Variants in ADGRL3 observed in about 807,000 individuals in gnomAD.
ADGRL3 encodes calcium-independent alpha-latrotoxin receptor 3.
Under a neutral mutation model 153.5 loss-of-function variants are expected in ADGRL3, and 62 were observed. The observed-to-expected ratio is 0.40, with a 90% CI of 0.33 to 0.50. The LOEUF (loss-of-function observed/expected upper bound fraction) is 0.50, where lower values mean the gene tolerates loss of function less well. Among genes scored for constraint, ADGRL3 ranks in the 20% least tolerant of loss-of-function variants. The pLI is 0.47. For synonymous variants in ADGRL3, 710 were observed against 672.5 expected (o/e 1.06, Z -0.86); for missense variants, 1,641 against 1,859.4 (o/e 0.88, Z 2.16).
chr4:61,750,367 T>C (rs1423731903), intron 8 of ADGRL3, among the ~76,000 whole-genome samples: 1 of 152,136 alleles, frequency 6.6e-6, no homozygotes, highest in Non-Finnish European at 1.5e-5. Context: ...ACATACGTAG[T>C]CCAGAGCTAC....
At chr4:61,673,264 C>T (rs1410705834) in intron 5 of ADGRL3, among the ~76,000 whole-genome samples, 6 of 151,816 alleles carry the variant, frequency 4.0e-5, no homozygotes, top group African/African-American at 1.2e-4. Context: ...ATCTAATGTA[C>T]AGCTTGGTAA....
intron 6 of ADGRL3, among the ~76,000 whole-genome samples, chr4:61,695,220 C>A (rs139997497): frequency 2.0e-5 from 3 of 152,252 alleles, no homozygotes; most frequent in Middle Eastern, 3.4e-3. Flanking sequence ...TCAGAGAAAT[C>A]ACTGTTTTTG....
chr4:61,263,799 A>G (rs769130947), intron 1 of ADGRL3, among the ~76,000 whole-genome samples: 16 of 152,070 alleles, frequency 1.1e-4, no homozygotes, highest in Non-Finnish European at 1.9e-4. Context: ...CACCCATACC[A>G]TAAAGTAGAA....
At chr4:61,337,149 C>A (rs936129632) in intron 1 of ADGRL3, among the ~76,000 whole-genome samples, 3 of 152,084 alleles carry the variant, frequency 2.0e-5, no homozygotes, top group African/African-American at 7.2e-5. Context: ...CTTGTAAGCT[C>A]CTGCTTTGTC....
At chr4:61,227,535 T>A (rs1411232276) in intron 1 of ADGRL3, among the ~76,000 whole-genome samples, 1 of 152,156 alleles carries the variant, frequency 6.6e-6, no homozygotes, top group African/African-American at 2.4e-5. Flanking sequence ...GTATTTCTTA[T>A]CTCTGATCTC....
At chr4:61,621,474 T>C (rs1288908270) in intron 5 of ADGRL3, among the ~76,000 whole-genome samples, 1 of 152,210 alleles carries the variant, frequency 6.6e-6, no homozygotes, top group African/African-American at 2.4e-5. Flanking sequence ...ATATGGTAAA[T>C]TGGTAAAAAC....
At chr4:61,482,208 G>A (rs989251725) in intron 2 of ADGRL3, among the ~76,000 whole-genome samples, 3 of 152,138 alleles carry the variant, frequency 2.0e-5, no homozygotes, top group Non-Finnish European at 4.4e-5. Flanking sequence ...TGGCACATGT[G>A]TACTTACTGA....
intron 1 of ADGRL3, among the ~76,000 whole-genome samples, chr4:61,376,621 C>T (rs536898722): frequency 1.8e-4 from 28 of 152,176 alleles, no homozygotes; most frequent in Non-Finnish European, 2.9e-4. Flanking sequence ...TGTACTGAAT[C>T]GTTTTCTAGA....
At chr4:61,777,640 T>C (rs906839862) in intron 8 of ADGRL3, among the ~76,000 whole-genome samples, 1 of 152,204 alleles carries the variant, frequency 6.6e-6, no homozygotes, top group Non-Finnish European at 1.5e-5. Context: ...AGGACAGTTA[T>C]CCAGCTAACT....
chr4:61,612,489 G>A (rs1282881797), intron 5 of ADGRL3, among the ~76,000 whole-genome samples: 7 of 152,058 alleles, frequency 4.6e-5, no homozygotes, highest in Admixed American at 3.9e-4. Context: ...CCAAAAATAC[G>A]AGGAATCTCT....
chr4:61,437,622 G>A (rs1041532915), intron 2 of ADGRL3, among the ~76,000 whole-genome samples: 4 of 152,120 alleles, frequency 2.6e-5, no homozygotes, highest in African/African-American at 4.8e-5. Context: ...ACTGATCTCA[G>A]AGTCTTCTTT....
intron 2 of ADGRL3, among the ~76,000 whole-genome samples, chr4:61,493,493 A>C (rs1172412975): frequency 1.3e-5 from 2 of 152,218 alleles, no homozygotes; most frequent in Non-Finnish European, 2.9e-5. Context: ...ATTGTAAAAT[A>C]TGTATCATAT....
At chr4:61,250,548 A>T (rs13123859) in intron 1 of ADGRL3, among the ~76,000 whole-genome samples, 44,765 of 152,066 alleles carry the variant, frequency 0.29, 6,857 homozygotes, top group East Asian at 0.39. Flanking sequence ...TGCCTAAGAT[A>T]CTGACTTCTT....
At chr4:61,837,673 G>T (rs950766407) in intron 9 of ADGRL3, among the ~76,000 whole-genome samples, 6 of 152,078 alleles carry the variant, frequency 3.9e-5, no homozygotes, top group African/African-American at 1.4e-4. Context: ...TTTTAGGGAA[G>T]TTCTGGGAAG....
rs952303624 is a variant in ADGRL3 at position 61,554,893 on chromosome 4, T to C, written c.260-32334T>C. Among the ~76,000 whole-genome samples, 4 of 152,268 alleles carry C rather than the reference T, an allele frequency of 2.6e-5. 1 individual carries two copies. The highest frequency in any genetic ancestry group is 2.9e-5 in the Non-Finnish European group (2 of 68,016). ...AGACCCAGGGGCTTAAATACCTTTT[T>C]AACAAAGAGTAATAAAGTATGGAGA... On this transcript the variant is annotated intron_variant, in intron 4 of 26. Coordinates refer to ENST00000683033, the MANE Select transcript of ADGRL3 (RefSeq NM_001387552.1).
intron 5 of ADGRL3, among the ~76,000 whole-genome samples, chr4:61,608,687 T>C (rs995864379): frequency 6.6e-6 from 1 of 152,248 alleles, no homozygotes. Context: ...AATATGTCTC[T>C]GTTTTCTTTT....
chr4:61,649,203 T>C (rs1428310509), intron 5 of ADGRL3, among the ~76,000 whole-genome samples: 1 of 152,082 alleles, frequency 6.6e-6, no homozygotes, highest in Non-Finnish European at 1.5e-5. Context: ...TAGTTACATA[T>C]GGATGTAACA....
chr4:61,853,290 G>A (rs1484541773), intron 9 of ADGRL3, among the ~76,000 whole-genome samples: 4 of 152,062 alleles, frequency 2.6e-5, no homozygotes, highest in Admixed American at 6.6e-5. Flanking sequence ...CATTCCTATC[G>A]CTCATGAAAT....
chr4:61,457,297 TAATGCTTA>T (rs1235430305), intron 2 of ADGRL3, among the ~76,000 whole-genome samples: 1 of 152,016 alleles, frequency 6.6e-6, no homozygotes, highest in East Asian at 1.9e-4. Flanking sequence ...CTGGTAGTCA[TAATGCTTA>T]ACTTACAAGA....
Sources: allele counts gnomAD v4.1 joint callset (sites outside exome capture counted in the v4.1 genomes callset), GRCh38; gene constraint gnomAD v4.1.1; transcripts MANE v1.5; gene names NCBI Gene and HGNC (gene_info 2026-07-23, HGNC 2026-07-21).